FCHO2: variants seen among roughly 807,000 people sequenced by gnomAD.
FCHO2 encodes FCH and mu domain containing endocytic adaptor 2, also known as F-BAR domain only protein 2.
A neutral mutation model predicts 114.1 loss-of-function variants in FCHO2; 43 were observed. The ratio of observed to expected loss-of-function variants is 0.38; its 90% CI spans 0.30 to 0.49. FCHO2 has a LOEUF of 0.49. Ranked by LOEUF, FCHO2 falls within the 20% of genes least tolerant of loss-of-function variation. The pLI is 0.97. For synonymous variants in FCHO2, 293 were observed against 315.2 expected, an observed-to-expected ratio of 0.93 and a Z score of 0.75; for missense variants, 807 against 950.4, an observed-to-expected ratio of 0.85 and a Z score of 1.98.
At chr5:72,969,999 A>G (rs1430369975) in intron 2 of FCHO2, among the ~76,000 whole-genome samples, 9 of 152,144 alleles carry the variant, frequency 5.9e-5, no homozygotes, top group Non-Finnish European at 5.9e-5. Context: ...TGCTGATCCC[A>G]GCTATCATTA....
At chr5:72,975,139 C>T (rs1253255742) in intron 2 of FCHO2, among the ~76,000 whole-genome samples, 3 of 152,088 alleles carry the variant, frequency 2.0e-5, no homozygotes, top group Non-Finnish European at 4.4e-5. Context: ...TGTTACATCA[C>T]CTATCTCTTT....
rs372957641 is a variant in FCHO2, at chr5:73,068,668, C to T, written c.1468C>T (p.Pro490Ser). ...TTTTAAGCCCAGGCCATTCAGCCCA[C>T]CTGTAACTTCCAACACCAGCCCACC... ...INEIPRPFSPPVTSNTSPPPA... is the reference protein window; with the variant it reads ...INEIPRPFSPSVTSNTSPPPA... The change falls in exon 19 of 26, where the codon CCT (proline) becomes TCT (serine). Residue 490 changes from proline to serine, a missense_variant. Physicochemically the swap from Pro to Ser is moderately conservative, Grantham distance 74 (BLOSUM62 -1). Transcript: ENST00000430046. 2.2e-5 allele frequency: 35 copies of T among 1,611,376 alleles called. No individual in the cohort carries two copies. Among genetic ancestry groups the T allele is most frequent in the Non-Finnish European group, 5.1e-6 (6 of 1,178,478 alleles).
At chr5:73,068,488 T>G (rs1034671799) in intron 18 of FCHO2, among the ~76,000 whole-genome samples, 162 bp from the exon 19 acceptor site, 1 of 152,102 alleles carries the variant, frequency 6.6e-6, no homozygotes, top group Non-Finnish European at 1.5e-5. Flanking sequence ...CTTTAGTATG[T>G]TCTTAAAAAT....
intron 18 of FCHO2, among the ~76,000 whole-genome samples, chr5:73,064,934 T>A (rs1757996310): frequency 6.6e-6 from 1 of 152,072 alleles, no homozygotes; most frequent in Non-Finnish European, 1.5e-5. Context: ...ACTTTGCTTA[T>A]ATTTTTGTTA....
rs888599042 is a variant in FCHO2 at position 73,052,202 on chromosome 5, C to T, written c.998-130C>T. On this transcript the variant is annotated intron_variant, in intron 12 of 25. Coordinates refer to ENST00000430046, the MANE Select transcript of FCHO2 (RefSeq NM_138782.3). ...CCTCCCAAAGTCCTGGGATTACAGG[C>T]GTGAGCCGTCGCACCCGGCCCAAAG... 3.8e-5 allele frequency: 32 copies of T among 839,832 alleles called. 1 individual carries two copies. The South Asian group carries it at 5.6e-4, about 15-fold the overall frequency. 52.0% of individuals were successfully genotyped at this position (839,832 alleles called of 1,614,324 possible).
chr5:73,046,391 T>C (rs1757059538), intron 11 of FCHO2, among the ~76,000 whole-genome samples: 1 of 152,188 alleles, frequency 6.6e-6, no homozygotes, highest in South Asian at 2.1e-4. Flanking sequence ...TCAGAATTTA[T>C]CGTTGTAGTC....
chr5:72,963,782 C>G (rs1478346392), intron 1 of FCHO2, among the ~76,000 whole-genome samples: 1 of 151,982 alleles, frequency 6.6e-6, no homozygotes, highest in Non-Finnish European at 1.5e-5. Context: ...AACTCTTAGC[C>G]TCAAGGGATC....
chr5:72,965,374 T>C (rs867987701), intron 1 of FCHO2, among the ~76,000 whole-genome samples: 1 of 152,220 alleles, frequency 6.6e-6, no homozygotes, highest in African/African-American at 2.4e-5. Flanking sequence ...AAAATGTATA[T>C]ACCTTAATTA....
At position 72,956,614 on chromosome 5, in the gene FCHO2, C is replaced by A. The variant is rs1428405556; in HGVS notation, c.33+485C>A. Among the ~76,000 whole-genome samples the A allele has an allele frequency of 2.0e-5, 3 of 152,314 alleles. 1 individual carries two copies. In the East Asian group the frequency reaches 5.8e-4, roughly 29 times the overall value. On this transcript the variant is annotated intron_variant, in intron 1 of 25. Coordinates refer to ENST00000430046, the MANE Select transcript of FCHO2 (RefSeq NM_138782.3). ...TCCCTTTTACCTCTGACGGTTTCCACACCAAATCCAGTGCGGGGTTGGGCT... is the reference window on the plus strand; with the variant it reads ...TCCCTTTTACCTCTGACGGTTTCCAAACCAAATCCAGTGCGGGGTTGGGCT...
At chr5:73,044,983 T>C (rs1308704422) in intron 11 of FCHO2, among the ~76,000 whole-genome samples, 1 of 152,204 alleles carries the variant, frequency 6.6e-6, no homozygotes, top group Non-Finnish European at 1.5e-5. Context: ...TAATATCAGG[T>C]TTCTGTGCAT....
intron 5 of FCHO2, among the ~76,000 whole-genome samples, chr5:72,996,692 C>T (rs939636555): frequency 3.3e-4 from 51 of 152,344 alleles, no homozygotes; most frequent in African/African-American, 1.2e-3. Flanking sequence ...CATGTGGGCC[C>T]CCGCAGGCTG....
At chr5:73,013,968 GC>G (rs1363381435) in intron 6 of FCHO2, among the ~76,000 whole-genome samples, 2 of 152,178 alleles carry the variant, frequency 1.3e-5, no homozygotes, top group Non-Finnish European at 2.9e-5. Flanking sequence ...ACAGGTGTGA[GC>G]CACCGTGCCT....
At chr5:72,976,873 A>G (rs1378292190) in intron 2 of FCHO2, among the ~76,000 whole-genome samples, 1 of 150,858 alleles carries the variant, frequency 6.6e-6, no homozygotes, top group African/African-American at 2.4e-5. Flanking sequence ...GAGTGAGGAC[A>G]TGTGGTGTTT....
At chr5:73,022,805 C>T (rs1385035031) in intron 8 of FCHO2, among the ~76,000 whole-genome samples, 1 of 152,214 alleles carries the variant, frequency 6.6e-6, no homozygotes, top group East Asian at 1.9e-4. Flanking sequence ...TTCATCAGGA[C>T]TTTGGTTCAC....
At chr5:73,052,758 G>T in intron 13 of FCHO2, 1 of 294,636 alleles carries the variant, frequency 3.4e-6, no homozygotes, top group Non-Finnish European at 6.2e-6. Flanking sequence ...TGTGTCTCTG[G>T]CAGAATTCTT....
chr5:73,021,922 T>A (rs1346027876), intron 8 of FCHO2, among the ~76,000 whole-genome samples: 1 of 152,206 alleles, frequency 6.6e-6, no homozygotes, highest in Non-Finnish European at 1.5e-5. Flanking sequence ...AACCACTTTG[T>A]AGGCACACTT....
intron 2 of FCHO2, among the ~76,000 whole-genome samples, chr5:72,969,995 TC>T (rs1752431938): frequency 6.6e-6 from 1 of 152,200 alleles, no homozygotes; most frequent in Non-Finnish European, 1.5e-5. Context: ...ATTATGCTGA[TC>T]CCAGCTATCA....
At chr5:72,987,527 G>A (rs1043327598) in intron 2 of FCHO2, among the ~76,000 whole-genome samples, 5 of 151,800 alleles carry the variant, frequency 3.3e-5, no homozygotes, top group Admixed American at 2.0e-4. Flanking sequence ...TAGTACAGAC[G>A]GGGTTTCACC....
At position 72,981,310 on chromosome 5, in the gene FCHO2, T is replaced by G. The variant is rs146087642; in HGVS notation, c.126-8117T>G. On this transcript the variant is annotated intron_variant, in intron 2 of 25. Transcript: ENST00000430046. ...GGCTTGTAGGGTTTCTGCAGAGATA[T>G]CCACTGTTAGTCTGATAGGCTTCCC... 2.8e-3 allele frequency among the ~76,000 whole-genome samples: 429 copies of G among 152,354 alleles called. 2 individuals carry two copies. Among genetic ancestry groups the G allele is most frequent in the African/African-American group, 9.9e-3 (410 of 41,590 alleles).
Sources: gnomAD v4.1 joint callset for allele counts (sites outside exome capture counted in the v4.1 genomes callset) on GRCh38, gnomAD v4.1.1 for gene constraint, MANE v1.5 for transcripts, NCBI Gene and HGNC (gene_info 2026-07-23, HGNC 2026-07-21) for gene names.